GRM8: variants seen among roughly 807,000 people sequenced by gnomAD.
The protein encoded by GRM8 is metabotropic glutamate receptor 8.
In GRM8, 47 loss-of-function variants were observed where a neutral mutation model predicts 87.2. That is an observed-to-expected ratio of 0.54 (90% confidence interval 0.43 to 0.69). The LOEUF is 0.69. Among genes scored for constraint, GRM8 ranks in the 30% least tolerant of loss-of-function variants. GRM8 has a pLI of 0.00. For missense variants in GRM8, 1,019 were observed against 1,139.2 expected (o/e 0.89, Z 1.52); for synonymous variants, 396 against 404.5 (o/e 0.98, Z 0.25).
intron 3 of GRM8, among the ~76,000 whole-genome samples, chr7:126,986,923 T>C (rs925715323): frequency 6.6e-6 from 1 of 152,220 alleles, no homozygotes; most frequent in African/African-American, 2.4e-5. Context: ...TAAATATTAA[T>C]TCATCTAATC....
chr7:126,584,435 T>C lies in GRM8; in HGVS notation c.1494+24927A>G, dbSNP rs574952653. On this transcript the variant is annotated intron_variant, in intron 8 of 10. Coordinates refer to ENST00000339582, the MANE Select transcript of GRM8 (RefSeq NM_000845.3). The stretch of plus-strand genomic sequence containing the variant: ...AGACAGGGACTCACCTTAATGTGCA[T>C]GTCTGACACTAACCTGTAATATCTC... 3.3e-5 allele frequency among the ~76,000 whole-genome samples: 5 copies of C among 152,226 alleles called. No homozygotes were observed. The East Asian group carries it at 7.7e-4, about 24-fold the overall frequency.
rs201999725 is a variant in GRM8, at chr7:126,533,269, C to T, written c.2113G>A (p.Val705Ile). 1.3e-4 allele frequency: 205 copies of T among 1,613,418 alleles called. No individual in the cohort carries two copies. Among genetic ancestry groups the T allele is most frequent in the East Asian group, 2.2e-4 (10 of 44,832 alleles). The change falls in exon 9 of 11, where the codon GTC (valine) becomes ATC (isoleucine). Residue 705 changes from valine to isoleucine, a missense_variant. Val to Ile is a conservative substitution (Grantham distance 29). Coordinates refer to ENST00000339582, the MANE Select transcript of GRM8 (RefSeq NM_000845.3). ...QLVITFSLISVQLLGVFVWFV... is the reference protein window; with the variant it reads ...QLVITFSLISIQLLGVFVWFV... ...CAGACAAACACTCCAAGGAGCTGGACGGAGATGAGGCTGAAGGTGATCACC... is the reference window on the plus strand; with the variant it reads ...CAGACAAACACTCCAAGGAGCTGGATGGAGATGAGGCTGAAGGTGATCACC...
chr7:127,211,824 T>C (rs1474163036), intron 2 of GRM8, among the ~76,000 whole-genome samples: 2 of 152,198 alleles, frequency 1.3e-5, no homozygotes, highest in Admixed American at 6.5e-5. Flanking sequence ...TCTCAAAAAC[T>C]GAGAAATAAT....
intron 3 of GRM8, among the ~76,000 whole-genome samples, chr7:127,065,058 A>G (rs1820974406): frequency 1.3e-5 from 2 of 152,230 alleles, no homozygotes; most frequent in Admixed American, 6.5e-5. Flanking sequence ...ATAAAGACAC[A>G]TGCATATAAT....
intron 2 of GRM8, among the ~76,000 whole-genome samples, chr7:127,184,727 T>C (rs1280700894): frequency 6.6e-6 from 1 of 151,788 alleles, no homozygotes; most frequent in African/African-American, 2.4e-5. Context: ...CTGTGCAAAA[T>C]CCCAAAGGAT....
At chr7:126,713,608 TAA>T (rs199535083) in intron 7 of GRM8, among the ~76,000 whole-genome samples, 661 of 59,402 alleles carry the variant, frequency 0.011, 8 homozygotes, top group South Asian at 0.064. Context: ...GAACTTAAAG[TAA>T]AAAAAAAAAA....
chr7:127,004,541 T>TA (rs1344269246), intron 3 of GRM8, among the ~76,000 whole-genome samples: 3 of 151,572 alleles, frequency 2.0e-5, no homozygotes, highest in Non-Finnish European at 4.4e-5. Flanking sequence ...GATATTGAGG[T>TA]AAAAAATAAA....
chr7:126,600,642 T>C (rs1330895712), intron 8 of GRM8, among the ~76,000 whole-genome samples: 62 of 152,190 alleles, frequency 4.1e-4, no homozygotes, highest in Non-Finnish European at 3.8e-4. Context: ...ACATATTAAA[T>C]ACACACTTAT....
chr7:127,004,712 CA>C (rs1341524604), intron 3 of GRM8, among the ~76,000 whole-genome samples: 2 of 151,592 alleles, frequency 1.3e-5, no homozygotes, highest in Non-Finnish European at 3.0e-5. Flanking sequence ...TACATATAAA[CA>C]CAGAGAGATT....
chr7:127,069,603 C>T (rs944000174), intron 3 of GRM8, among the ~76,000 whole-genome samples: 8 of 152,128 alleles, frequency 5.3e-5, no homozygotes, highest in Admixed American at 3.9e-4. Context: ...GATGAGAGAA[C>T]CCCAAGAGGA....
chr7:127,198,078 T>C (rs1018705729), intron 2 of GRM8, among the ~76,000 whole-genome samples: 1 of 152,214 alleles, frequency 6.6e-6, no homozygotes, highest in Non-Finnish European at 1.5e-5. Context: ...CCAATATTCA[T>C]ACTTTTGTAT....
At chr7:126,864,929 G>A (rs7808298) in intron 6 of GRM8, among the ~76,000 whole-genome samples, 3,351 of 152,234 alleles carry the variant, frequency 0.022, 133 homozygotes, top group African/African-American at 0.077. Context: ...ACACTATTGT[G>A]AGCATAGTGT....
At chr7:126,514,558 C>T (rs1811905028) in intron 9 of GRM8, among the ~76,000 whole-genome samples, 1 of 152,038 alleles carries the variant, frequency 6.6e-6, no homozygotes, top group Non-Finnish European at 1.5e-5. Context: ...TTTTACTCAA[C>T]ACCTTGAGGA....
intron 7 of GRM8, among the ~76,000 whole-genome samples, chr7:126,715,459 G>C (rs1811623441): frequency 6.6e-6 from 1 of 152,132 alleles, no homozygotes; most frequent in Non-Finnish European, 1.5e-5. Context: ...TGTAAGTTTT[G>C]ATGAACTTTA....
chr7:126,726,137 C>T (rs1812943434), intron 7 of GRM8, among the ~76,000 whole-genome samples: 1 of 151,966 alleles, frequency 6.6e-6, no homozygotes, highest in Non-Finnish European at 1.5e-5. Context: ...ATAATTAATA[C>T]ATGTTAAACT....
chr7:126,802,935 T>C (rs536225750), intron 6 of GRM8, among the ~76,000 whole-genome samples: 1 of 152,272 alleles, frequency 6.6e-6, no homozygotes, highest in Non-Finnish European at 1.5e-5. Context: ...AATAAGCTAA[T>C]AGACTGTGGG....
intron 6 of GRM8, among the ~76,000 whole-genome samples, chr7:126,806,895 C>T (rs1004141791): frequency 6.6e-6 from 1 of 152,222 alleles, no homozygotes; most frequent in Non-Finnish European, 1.5e-5. Flanking sequence ...CACACCTCCC[C>T]GCGAGCAGAG....
intron 2 of GRM8, among the ~76,000 whole-genome samples, chr7:127,239,683 C>T (rs1798175527): frequency 6.6e-6 from 1 of 152,216 alleles, no homozygotes; most frequent in South Asian, 2.1e-4. Context: ...TATGTATAAA[C>T]AGAAGTCATC....
At chr7:126,831,851 T>C (rs1258477703) in intron 6 of GRM8, among the ~76,000 whole-genome samples, 1 of 152,224 alleles carries the variant, frequency 6.6e-6, no homozygotes, top group Admixed American at 6.5e-5. Flanking sequence ...CTGAAACTCT[T>C]ATAGGCAAAT....
Sources: allele counts gnomAD v4.1 joint callset (sites outside exome capture counted in the v4.1 genomes callset), GRCh38; gene constraint gnomAD v4.1.1; transcripts MANE v1.5; gene names NCBI Gene and HGNC (gene_info 2026-07-23, HGNC 2026-07-21).